Variants in DAZL observed in about 807,000 individuals in gnomAD.
DAZL encodes deleted in azoospermia like, also known as deleted in azoospermia-like.
A neutral mutation model predicts 45.0 loss-of-function variants in DAZL; 4 were observed. The observed-to-expected ratio is 0.09, with a 90% confidence interval of 0.04 to 0.20. The LOEUF (loss-of-function observed/expected upper bound fraction) is 0.20. Ranked by LOEUF, DAZL falls within the 10% of genes least tolerant of loss-of-function variation. The pLI is 1.00. For missense variants in DAZL, 326 were observed against 351.3 expected (o/e 0.93, Z 0.58); for synonymous variants, 122 against 112.4 (o/e 1.09, Z -0.54).
chr3:16,595,131 G>C (rs1694578822), intron 7 of DAZL, among the ~76,000 whole-genome samples, 183 bp downstream of exon 7: 1 of 152,048 alleles, frequency 6.6e-6, no homozygotes, highest in Admixed American at 6.6e-5. Flanking sequence ...GTATATCCCT[G>C]TCAAAATATT....
At chr3:16,597,604 A>G in intron 3 of DAZL, 63 bp from the exon 4 acceptor site, 1 of 996,956 alleles carries the variant, frequency 1.0e-6, no homozygotes, top group Non-Finnish European at 1.6e-6. Context: ...CAGAACTTCT[A>G]CTATATACGG....
intron 1 of DAZL, chr3:16,604,928 C>G (rs773694564): frequency 1.8e-5 from 12 of 680,146 alleles, no homozygotes; most frequent in Non-Finnish European, 2.7e-5. Flanking sequence ...TCAAGAAGGC[C>G]GTGGCCCTTG....
At chr3:16,593,804 T>A (rs1178327463) in intron 8 of DAZL, 36 bp from the exon 9 acceptor site, 1 of 1,330,894 alleles carries the variant, frequency 7.5e-7, no homozygotes, top group Admixed American at 1.8e-5. Context: ...ATTAAACAGA[T>A]ATACAGATAT....
intron 1 of DAZL, among the ~76,000 whole-genome samples, chr3:16,603,919 T>C (rs1256937742): frequency 6.6e-6 from 1 of 152,150 alleles, no homozygotes; most frequent in Non-Finnish European, 1.5e-5. Context: ...TTAAGATGGA[T>C]TGCTATTTTC....
chr3:16,592,166 T>A lies in DAZL; in HGVS notation c.736-18A>T. 2 of 1,610,730 alleles carry A rather than the reference T, an allele frequency of 1.2e-6. No individual in the cohort carries two copies. Among genetic ancestry groups the A allele is most frequent in the Non-Finnish European group, 1.7e-6 (2 of 1,178,158 alleles). ...ACAGATTTCTGAAACACAGAAGTTT[T>A]CAGTAATGTAAAGACGACTCTTTCA... On this transcript the variant is annotated intron_variant, in intron 9 of 10. Transcript: ENST00000399444.
chr3:16,598,787 C>CTT (rs367758271), intron 1 of DAZL, among the ~76,000 whole-genome samples, 189 bp from the exon 2 acceptor site: 20 of 136,778 alleles, frequency 1.5e-4, no homozygotes, highest in African/African-American at 4.0e-4. Context: ...GGATATAGTA[C>CTT]TTTTTTTTTT....
At chr3:16,603,594 G>A (rs995322266) in intron 1 of DAZL, among the ~76,000 whole-genome samples, 42 of 152,054 alleles carry the variant, frequency 2.8e-4, no homozygotes, top group African/African-American at 9.7e-4. Flanking sequence ...TGATCCACCC[G>A]CCTCAGCCTC....
At chr3:16,588,800 T>C in intron 10 of DAZL, 87 bp from the exon 11 acceptor site, 1 of 1,078,554 alleles carries the variant, frequency 9.3e-7, no homozygotes, top group South Asian at 1.3e-5. Flanking sequence ...ACTTAAACCA[T>C]TTGTTTTGGG....
chr3:16,587,514 CG>C lies in DAZL; in HGVS notation c.*1145del, dbSNP rs1421156371. The C allele has an allele frequency of 2.6e-5, 2 of 78,414 alleles. No homozygotes were observed. The highest frequency in any genetic ancestry group is 1.3e-4 in the African/African-American group (2 of 15,448). The allele number at this position is 78,414 out of a possible 1,614,324, so 4.9% of individuals were successfully genotyped here. A position where few individuals can be genotyped will look rare whatever the true frequency, so the allele number is the denominator to read the frequency against. On this transcript the variant is annotated 3_prime_UTR_variant, in exon 11 of 11. Coordinates refer to ENST00000399444, the MANE Select transcript of DAZL (RefSeq NM_001351.4). ...AAAGACTAGTGACAAAGGCTGGAAA[CG>C]AAAGACTGTGGTATAGCAAAAGGGC...
chr3:16,601,527 T>G (rs978132787), intron 1 of DAZL, among the ~76,000 whole-genome samples: 1 of 152,152 alleles, frequency 6.6e-6, no homozygotes, highest in African/African-American at 2.4e-5. Flanking sequence ...CTACTGTATT[T>G]ATACATAATT....
intron 7 of DAZL, among the ~76,000 whole-genome samples, 155 bp downstream of exon 7, chr3:16,595,156 AAAT>A (rs1694578963): frequency 6.6e-6 from 1 of 152,080 alleles, no homozygotes; most frequent in African/African-American, 2.4e-5. Flanking sequence ...CATTACTTCT[AAAT>A]AATAAAGAGG....
Position 16,596,755 on chromosome 3 carries a change from C to T in DAZL, c.493G>A (p.Val165Ile). The change falls in exon 6 of 11, where the codon GTT (valine) becomes ATT (isoleucine). Residue 165 changes from valine to isoleucine, a missense_variant. Physicochemically the swap from Val to Ile is conservative, Grantham distance 29. Transcript: ENST00000399444. ...GAACGTTAAGCAATTCTTACCTGAA[C>T]ATACTGAGTTATAGGATTCATCGTG... Reference protein sequence around the residue: ...TTTMNPITQYVQAYPTYPNSP... With the variant: ...TTTMNPITQYIQAYPTYPNSP... 6.2e-7 allele frequency: 1 copy of T among 1,613,624 alleles called. No homozygotes were observed. The highest frequency in any genetic ancestry group is 8.5e-7 in the Non-Finnish European group (1 of 1,179,630).
intron 9 of DAZL, 60 bp from the exon 10 acceptor site, chr3:16,592,208 GTTTT>G (rs112666883): frequency 7.6e-6 from 12 of 1,572,528 alleles, no homozygotes; most frequent in South Asian, 2.2e-5. Flanking sequence ...CTTAGTAAGG[GTTTT>G]TTTTTGATAG....
chr3:16,604,995 G>A (rs73142541), intron 1 of DAZL, among the ~76,000 whole-genome samples: 3,025 of 152,346 alleles, frequency 0.02, 105 homozygotes, highest in African/African-American at 0.068. Flanking sequence ...GCCGCCCTTG[G>A]CGTCCCGCGC....
At chr3:16,591,689 C>T (rs1694520952) in intron 10 of DAZL, among the ~76,000 whole-genome samples, 2 of 152,140 alleles carry the variant, frequency 1.3e-5, no homozygotes, top group African/African-American at 4.8e-5. Context: ...CCATCTCAGC[C>T]CCCAAAAGTG....
At chr3:16,597,619 G>A in intron 3 of DAZL, 78 bp from the exon 4 acceptor site, 2 of 874,816 alleles carry the variant, frequency 2.3e-6, no homozygotes, top group South Asian at 2.6e-5. Context: ...ATACGGAAGT[G>A]ATCATGACTA....
In DAZL at chr3:16,604,798, G is replaced by T. The variant is rs1694750491; in HGVS notation, c.3+405C>A. 6 of 1,344,270 alleles carry T rather than the reference G, an allele frequency of 4.5e-6. No homozygotes were observed. The African/African-American group carries it at 7.4e-5, about 17-fold the overall frequency. The allele number at this position is 1,344,270 out of a possible 1,614,324, so 83.3% of individuals were successfully genotyped here. The stretch of plus-strand genomic sequence containing the variant: ...GCGGAGGCGCGTGGGAGTGGGGGAG[G>T]GGCGGAGGCGCGTGAGTGGGGGAGC... On this transcript the variant is annotated intron_variant, in intron 1 of 10. Transcript: ENST00000399444.
chr3:16,604,486 C>CA (rs1694743036), intron 1 of DAZL: 2 of 1,525,034 alleles, frequency 1.3e-6, no homozygotes, highest in Non-Finnish European at 1.8e-6. Context: ...GTCGCCGCCA[C>CA]ACGAGGGAGC....
intron 1 of DAZL, among the ~76,000 whole-genome samples, chr3:16,604,096 C>G (rs897042817): frequency 5.9e-5 from 9 of 152,124 alleles, no homozygotes; most frequent in African/African-American, 1.7e-4. Context: ...ATATGTTGCA[C>G]AATTACACAT....
Sources: gnomAD v4.1 joint callset for allele counts (sites outside exome capture counted in the v4.1 genomes callset) on GRCh38, gnomAD v4.1.1 for gene constraint, MANE v1.5 for transcripts, NCBI Gene and HGNC (gene_info 2026-07-23, HGNC 2026-07-21) for gene names.